The following CCDC7 variants were observed in gnomAD, a reference collection of about 807,000 sequenced individuals.
The protein encoded by CCDC7 is coiled-coil domain containing 7.
In CCDC7, 183 loss-of-function variants were observed where a neutral mutation model predicts 196.9. That is an observed-to-expected ratio of 0.93 (90% CI 0.82 to 1.05). The LOEUF is 1.05. Ranked by LOEUF, CCDC7 falls within the 50% of genes least tolerant of loss-of-function variation. The pLI is 0.00. For synonymous variants in CCDC7, 525 were observed against 484.6 expected (o/e 1.08, Z -1.10); for missense variants, 1,540 against 1,482.2 (o/e 1.04, Z -0.64).
At position 32,548,038 on chromosome 10, in the gene CCDC7, A is replaced by G. The variant is rs186990054; in HGVS notation, c.1134+3737A>G. ...CCTCCCACATATCATTGATGTTATA[A>G]ATAAATATTTGGTGCCGCCAAAGAA... On this transcript the variant is annotated intron_variant, in intron 13 of 41. Coordinates refer to ENST00000639629, the Ensembl canonical transcript of CCDC7. Among the ~76,000 whole-genome samples, 1,100 of 152,310 alleles carry G rather than the reference A, an allele frequency of 7.2e-3. 6 individuals carry two copies. The highest frequency in any genetic ancestry group is 0.01 in the Non-Finnish European group (707 of 68,030).
chr10:32,661,868 G>C (rs2071535705), intron 20 of CCDC7, among the ~76,000 whole-genome samples: 1 of 152,146 alleles, frequency 6.6e-6, no homozygotes, highest in Non-Finnish European at 1.5e-5. Flanking sequence ...CACTCCTTTA[G>C]CTGTCCTGGC....
intron 18 of CCDC7, among the ~76,000 whole-genome samples, chr10:32,593,657 T>C (rs938671143): frequency 6.6e-6 from 1 of 152,252 alleles, no homozygotes; most frequent in Non-Finnish European, 1.5e-5. Context: ...GCCTAGGTTT[T>C]CTTCAAGGGT....
intron 25 of CCDC7, among the ~76,000 whole-genome samples, chr10:32,725,801 A>G (rs969255582): frequency 4.6e-5 from 7 of 150,738 alleles, no homozygotes; most frequent in Middle Eastern, 3.4e-3. Context: ...GCACCAAGCC[A>G]TTCATGAAGG....
intron 30 of CCDC7, among the ~76,000 whole-genome samples, chr10:32,808,262 G>A (rs773599544): frequency 6.6e-6 from 1 of 152,020 alleles, no homozygotes; most frequent in Non-Finnish European, 1.5e-5. Context: ...TGCCTCCCAG[G>A]GGCCAGGGGA....
intron 5 of CCDC7, among the ~76,000 whole-genome samples, chr10:32,468,994 C>T (rs940418950): frequency 5.3e-5 from 8 of 152,220 alleles, no homozygotes; most frequent in Non-Finnish European, 1.2e-4. Flanking sequence ...GTAGCCTGTA[C>T]ACTTCAGAAT....
At chr10:32,859,283 T>A (rs1284993370) in intron 41 of CCDC7, among the ~76,000 whole-genome samples, 1 of 152,078 alleles carries the variant, frequency 6.6e-6, no homozygotes, top group Non-Finnish European at 1.5e-5. Context: ...ACCACACAAC[T>A]ACATGGAAAC....
intron 2 of CCDC7, among the ~76,000 whole-genome samples, chr10:32,455,279 ATATTTATTTATT>A (rs72086158): frequency 8.9e-5 from 13 of 146,880 alleles, no homozygotes; most frequent in African/African-American, 1.2e-4. Context: ...GCCTCTCAGC[ATATTTATTTATT>A]TATTTATTTA....
At chr10:32,614,174 T>A (rs960488295) in intron 18 of CCDC7, among the ~76,000 whole-genome samples, 1 of 152,102 alleles carries the variant, frequency 6.6e-6, no homozygotes, top group African/African-American at 2.4e-5. Context: ...CCTTCTTTGT[T>A]TCTTTTGATC....
intron 14 of CCDC7, among the ~76,000 whole-genome samples, chr10:32,565,863 A>G (rs533729839): frequency 3.5e-4 from 54 of 152,306 alleles, no homozygotes; most frequent in African/African-American, 1.1e-3. Context: ...AAGGCAATCT[A>G]TTCATCTGTC....
At chr10:32,530,380 T>A (rs1302304330) in intron 11 of CCDC7, among the ~76,000 whole-genome samples, 2 of 151,410 alleles carry the variant, frequency 1.3e-5, no homozygotes, top group African/African-American at 4.8e-5. Context: ...CATACATACC[T>A]CAAAATAATA....
intron 20 of CCDC7, among the ~76,000 whole-genome samples, chr10:32,645,180 T>G (rs2067538879): frequency 6.6e-6 from 1 of 152,160 alleles, no homozygotes; most frequent in African/African-American, 2.4e-5. Context: ...ATGGCTATTA[T>G]AAAAATGACA....
At position 32,533,700 on chromosome 10, in the gene CCDC7, T is replaced by C. The variant is rs558353955; in HGVS notation, c.994-9600T>C. ...TATTCTTGAATGGAAGTTGTCTTCT[T>C]TCAACACTTTGAAAATCTCATTCTA... On this transcript the variant is annotated intron_variant, in intron 11 of 41. Transcript: ENST00000639629. 2.0e-5 allele frequency among the ~76,000 whole-genome samples: 3 copies of C among 152,242 alleles called. No individual in the cohort carries two copies. In the South Asian group the frequency reaches 6.2e-4, roughly 32 times the overall value.
At chr10:32,548,090 T>C (rs903738982) in intron 13 of CCDC7, among the ~76,000 whole-genome samples, 2 of 152,216 alleles carry the variant, frequency 1.3e-5, no homozygotes, top group African/African-American at 4.8e-5. Context: ...AATTTAATTT[T>C]CTCAGCAAGG....
intron 13 of CCDC7, among the ~76,000 whole-genome samples, chr10:32,547,362 G>A (rs2052647423): frequency 6.6e-6 from 1 of 152,056 alleles, no homozygotes; most frequent in African/African-American, 2.4e-5. Context: ...CTAAGACAGA[G>A]TTCTAATATA....
chr10:32,633,682 G>GTATATATATA lies in CCDC7; in HGVS notation c.1802-566_1802-557dup, dbSNP rs139788574. ...TCTAATTCTATTGATTTAGCTTTGT[G>GTATATATATA]TATATATATATATATGTGTGTGTGT... On this transcript the variant is annotated intron_variant, in intron 18 of 41. Coordinates refer to ENST00000639629, the Ensembl canonical transcript of CCDC7. Among the ~76,000 whole-genome samples, 825 of 121,632 alleles carry GTATATATATA rather than the reference G, an allele frequency of 6.8e-3. 6 individuals are homozygous for GTATATATATA. Among genetic ancestry groups the GTATATATATA allele is most frequent in the Non-Finnish European group, 0.01 (588 of 58,568 alleles). 79.8% of individuals were successfully genotyped at this position (121,632 alleles called of 152,430 possible).
chr10:32,851,734 T>C, intron 39 of CCDC7, 73 bp from the exon 41 acceptor site: 1 of 1,386,730 alleles, frequency 7.2e-7, no homozygotes, highest in Non-Finnish European at 1.0e-6. Context: ...TGTGCATATA[T>C]ACTGTGTGAG....
intron 21 of CCDC7, among the ~76,000 whole-genome samples, chr10:32,672,525 C>T (rs2074247143): frequency 6.6e-6 from 1 of 152,162 alleles, no homozygotes; most frequent in Non-Finnish European, 1.5e-5. Context: ...ACTTCTTTCC[C>T]AGTAGTGGCT....
At chr10:32,493,259 A>G (rs2042416194) in intron 9 of CCDC7, among the ~76,000 whole-genome samples, 1 of 151,934 alleles carries the variant, frequency 6.6e-6, no homozygotes, top group Non-Finnish European at 1.5e-5. Context: ...GAGATCATGC[A>G]GTAATTGTCT....
intron 12 of CCDC7, 79 bp from the exon 14 acceptor site, chr10:32,544,168 A>T (rs2052013652): frequency 8.1e-7 from 1 of 1,239,372 alleles, no homozygotes. Context: ...AAAATCGTTT[A>T]AAAAGTCCTC....
Sources: allele counts gnomAD v4.1 joint callset (sites outside exome capture counted in the v4.1 genomes callset), GRCh38; gene constraint gnomAD v4.1.1; transcripts MANE v1.5; gene names NCBI Gene and HGNC (gene_info 2026-07-23, HGNC 2026-07-21).